The following CC2D2A variants were observed in gnomAD, a reference collection of about 807,000 sequenced individuals.
CC2D2A encodes coiled-coil and C2 domain-containing protein 2A.
In CC2D2A, 155 loss-of-function variants were observed where a neutral mutation model predicts 212.9. The observed-to-expected ratio is 0.73, with a 90% CI of 0.64 to 0.83. The LOEUF is 0.83. Among genes scored for constraint, CC2D2A ranks in the 40% least tolerant of loss-of-function variants. The pLI, the probability that CC2D2A is intolerant of heterozygous loss-of-function variation, is 0.00. For synonymous variants in CC2D2A, 667 were observed against 686.5 expected, an observed-to-expected ratio of 0.97 and a Z score of 0.44; for missense variants, 1,856 against 1,956.2, an observed-to-expected ratio of 0.95 and a Z score of 0.97.
chr4:15,517,314 T>C (rs1246760174), intron 11 of CC2D2A, among the ~76,000 whole-genome samples: 2 of 152,198 alleles, frequency 1.3e-5, no homozygotes, highest in Admixed American at 1.3e-4. Flanking sequence ...CATCTTTTTT[T>C]ACACATCCAG....
chr4:15,567,493 C>G lies in CC2D2A; in HGVS notation c.3288+11C>G. The G allele has an allele frequency of 6.2e-7, 1 of 1,605,296 alleles. No homozygotes were observed. Among genetic ancestry groups the G allele is most frequent in the South Asian group, 1.1e-5 (1 of 90,068 alleles). ...TACCCCCTCGGCCAGGTGAGAGATG[C>G]TGGACTTCAGCTTTCCACCTTGCCC... On this transcript the variant is annotated intron_variant, in intron 25 of 36. Transcript: ENST00000424120.
chr4:15,560,484 C>T (rs370151946), intron 22 of CC2D2A, 47 bp from the exon 23 acceptor site: 80 of 999,658 alleles, frequency 8.0e-5, no homozygotes, highest in South Asian at 3.1e-4. Context: ...GAGTGAACTA[C>T]GAAGTTTAAA....
At chr4:15,550,685 A>T (rs766169090) in intron 17 of CC2D2A, 139 bp from the exon 18 acceptor site, 2 of 522,808 alleles carry the variant, frequency 3.8e-6, no homozygotes, top group Non-Finnish European at 6.3e-6. Flanking sequence ...TAGTAACACA[A>T]CTCAACTTTC....
In CC2D2A at chr4:15,470,035, T is replaced by C. The variant is rs1426301667; in HGVS notation, c.-41T>C. The C allele has an allele frequency of 6.6e-6, 1 of 152,182 alleles. No homozygotes were observed. The highest frequency in any genetic ancestry group is 2.4e-5 in the African/African-American group (1 of 41,444). The allele number at this position is 152,182 out of a possible 1,614,324, so 9.4% of individuals were successfully genotyped here. ...ATCCTAGAATGCAGAATCTGCAAAG[T>C]GCCTTTTGTAAAGTTTCTTAAGGTA... On this transcript the variant is annotated 5_prime_UTR_variant, in exon 1 of 37. Coordinates refer to ENST00000424120, the MANE Select transcript of CC2D2A (RefSeq NM_001378615.1).
chr4:15,507,009 CA>C (rs1299336162), intron 6 of CC2D2A, among the ~76,000 whole-genome samples: 1 of 148,562 alleles, frequency 6.7e-6, no homozygotes. Flanking sequence ...ACGCGGGAGG[CA>C]GAGGTTGTAG....
At chr4:15,505,468 A>G (rs980169594) in intron 6 of CC2D2A, among the ~76,000 whole-genome samples, 8 of 152,112 alleles carry the variant, frequency 5.3e-5, no homozygotes, top group African/African-American at 1.9e-4. Context: ...GCCAGCACTT[A>G]TGAGAAACTC....
At chr4:15,522,841 C>T (rs773611950) in intron 11 of CC2D2A, among the ~76,000 whole-genome samples, 75 of 151,998 alleles carry the variant, frequency 4.9e-4, no homozygotes, top group African/African-American at 1.6e-3. Context: ...AAAGCAGGCC[C>T]GGCGCAGTGG....
chr4:15,571,431 G>C (rs2109075118), intron 28 of CC2D2A, among the ~76,000 whole-genome samples: 1 of 152,198 alleles, frequency 6.6e-6, no homozygotes, highest in East Asian at 1.9e-4. Context: ...TAAGTCTATG[G>C]CAACAGGAGG....
intron 17 of CC2D2A, among the ~76,000 whole-genome samples, chr4:15,544,964 T>A (rs1296124380): frequency 6.6e-6 from 1 of 152,214 alleles, no homozygotes; most frequent in Non-Finnish European, 1.5e-5. Flanking sequence ...TTTAAAAAGT[T>A]ATAAATTAAG....
chr4:15,512,558 G>A (rs1261074601), intron 8 of CC2D2A, among the ~76,000 whole-genome samples: 2 of 152,144 alleles, frequency 1.3e-5, no homozygotes, highest in East Asian at 3.8e-4. Flanking sequence ...GAGGAAGGAG[G>A]GAATGTTTAA....
intron 1 of CC2D2A, among the ~76,000 whole-genome samples, chr4:15,474,884 T>TA (rs762966793): frequency 2.6e-5 from 4 of 152,000 alleles, no homozygotes; most frequent in South Asian, 2.1e-4. Flanking sequence ...ACCCCAAAAA[T>TA]AAAAAAACAA....
chr4:15,536,977 A>C lies in CC2D2A; in HGVS notation c.1665A>C (p.Glu555Asp). 6.2e-7 allele frequency: 1 copy of C among 1,613,932 alleles called. No homozygotes were observed. The highest frequency in any genetic ancestry group is 8.5e-7 in the Non-Finnish European group (1 of 1,179,822). Residue 555 changes from glutamate (E) to aspartate (D), a missense_variant, in exon 15 of 37, where the codon GAA (glutamate) becomes GAC (aspartate). Glu to Asp is a conservative substitution (Grantham distance 45, BLOSUM62 2). Transcript: ENST00000424120. ...EEAYEAEIQA[E>D]ISELLEEHTE... ...CATATGAAGCAGAAATTCAAGCTGAAATAAGTGAACTGTTAGAAGAGCACA... is the reference window on the plus strand; with the variant it reads ...CATATGAAGCAGAAATTCAAGCTGACATAAGTGAACTGTTAGAAGAGCACA...
intron 1 of CC2D2A, among the ~76,000 whole-genome samples, chr4:15,475,580 A>C (rs982015617): frequency 6.6e-6 from 1 of 152,128 alleles, no homozygotes; most frequent in Non-Finnish European, 1.5e-5. Flanking sequence ...ACTTGGTGAA[A>C]TAAGGGCCAA....
Position 15,529,378 on chromosome 4 carries a change from A to G in CC2D2A, c.1466+652A>G, listed in dbSNP as rs570810280. On this transcript the variant is annotated intron_variant, in intron 13 of 36. Coordinates refer to ENST00000424120, the MANE Select transcript of CC2D2A (RefSeq NM_001378615.1). Reference sequence around the variant, plus strand: ...GCCTGGGTAACAGAGTGAGACCTTGACTCAAAAAAAAAAAAAGAAAAAAGG... The same window carrying G: ...GCCTGGGTAACAGAGTGAGACCTTGGCTCAAAAAAAAAAAAAGAAAAAAGG... Among the ~76,000 whole-genome samples, 366 of 150,790 alleles carry G rather than the reference A, an allele frequency of 2.4e-3. 2 individuals are homozygous for G. Among genetic ancestry groups the G allele is most frequent in the African/African-American group, 8.5e-3 (349 of 40,964 alleles).
rs763786765 is a variant in CC2D2A at position 15,478,753 on chromosome 4, A to G, written c.70A>G (p.Met24Val). Residue 24 changes from methionine (M) to valine (V), a missense_variant, in exon 3 of 37, where the codon ATG becomes GTG. By Grantham distance (21) the Met-to-Val change is conservative (BLOSUM62 1). Transcript: ENST00000424120. ...EFIENDEDAD[M>V]GRQNKNSKVR... ...CATTGAAAATGATGAGGATGCAGAC[A>G]TGGGAAGACAGAATAAGAACTCAAA... The G allele has an allele frequency of 1.9e-6, 3 of 1,555,310 alleles. No homozygotes were observed. Among genetic ancestry groups the G allele is most frequent in the African/African-American group, 2.7e-5 (2 of 73,174 alleles).
At chr4:15,589,746 T>C (rs1376431063) in intron 33 of CC2D2A, 67 bp downstream of exon 33, 2 of 1,125,760 alleles carry the variant, frequency 1.8e-6, no homozygotes, top group Admixed American at 3.9e-5. Context: ...GACCTATTGA[T>C]TTAAATATTT....
At chr4:15,516,530 T>C in intron 10 of CC2D2A, 95 bp from the exon 11 acceptor site, 1 of 1,255,610 alleles carries the variant, frequency 8.0e-7, no homozygotes, top group South Asian at 1.6e-5. Flanking sequence ...AATATATATG[T>C]TGACACAGAA....
chr4:15,565,020 A>G lies in CC2D2A; in HGVS notation c.3182+1498A>G, dbSNP rs141843929. Among the ~76,000 whole-genome samples, 555 of 152,186 alleles carry G rather than the reference A, an allele frequency of 3.6e-3. 2 individuals are homozygous for G. The highest frequency in any genetic ancestry group is 0.01 in the Middle Eastern group (3 of 294). On this transcript the variant is annotated intron_variant, in intron 24 of 36. Coordinates refer to ENST00000424120, the MANE Select transcript of CC2D2A (RefSeq NM_001378615.1). ...TGTGTGTCTTTACATTTTTTAACTA[A>G]TTCGTTAACCTATTAGAGAGCATCT...
intron 7 of CC2D2A, 115 bp downstream of exon 7, chr4:15,510,355 G>C: frequency 3.6e-6 from 3 of 840,950 alleles, no homozygotes; most frequent in Non-Finnish European, 5.8e-6. Context: ...CAGCGCTTTG[G>C]GAGGCCAAGA....
Sources: allele counts gnomAD v4.1 joint callset (sites outside exome capture counted in the v4.1 genomes callset), GRCh38; gene constraint gnomAD v4.1.1; transcripts MANE v1.5; gene names NCBI Gene and HGNC (gene_info 2026-07-23, HGNC 2026-07-21).